The following IQCH variants were observed in gnomAD, a reference collection of about 807,000 sequenced individuals.
IQCH encodes the protein IQ motif containing H, also known as IQ domain-containing protein H.
Under a neutral mutation model 117.0 loss-of-function variants are expected in IQCH, and 98 were observed. That is an observed-to-expected ratio of 0.84 (90% CI 0.71 to 0.99). IQCH has a LOEUF of 0.99. IQCH is among the 50% of genes least tolerant of loss of function. IQCH has a pLI of 0.00. For synonymous variants in IQCH, 412 were observed against 448.2 expected, an observed-to-expected ratio of 0.92 and a Z score of 1.02; for missense variants, 1,102 against 1,243.8, an observed-to-expected ratio of 0.89 and a Z score of 1.72.
rs2083325198 is a variant in IQCH, at chr15:67,481,005, A to G, written c.2799+5187A>G. Among the ~76,000 whole-genome samples, 1 of 152,136 alleles carries G rather than the reference A, an allele frequency of 6.6e-6. No homozygotes were observed. Among genetic ancestry groups the G allele is most frequent in the South Asian group, 2.1e-4 (1 of 4,824 alleles). The stretch of plus-strand genomic sequence containing the variant: ...TTGCAAAATGGGAAAAGCTGAACTG[A>G]TTTTAAACCTCAAAAATGAGACTTT... On this transcript the variant is annotated intron_variant, in intron 18 of 20. Transcript: ENST00000335894. This position sits in a 1 kb window ranked among gnomAD's most constrained non-coding sequence, Gnocchi z 4.1.
At chr15:67,293,140 C>CA (rs1966806435) in intron 4 of IQCH, among the ~76,000 whole-genome samples, 1 of 152,146 alleles carries the variant, frequency 6.6e-6, no homozygotes, top group Non-Finnish European at 1.5e-5. Flanking sequence ...ATCTGTTGTA[C>CA]AGTGAGTGTT....
chr15:67,380,880 C>G (rs553102005), intron 10 of IQCH, among the ~76,000 whole-genome samples: 1 of 152,268 alleles, frequency 6.6e-6, no homozygotes, highest in East Asian at 1.9e-4. Flanking sequence ...GACTACCATC[C>G]CAGGCTAGAG....
intron 4 of IQCH, among the ~76,000 whole-genome samples, chr15:67,286,770 G>A (rs554242562): frequency 3.3e-5 from 5 of 151,944 alleles, no homozygotes; most frequent in South Asian, 4.2e-4. Flanking sequence ...CACCACACCC[G>A]GCTAATTTTT....
rs1053704585 is a variant in IQCH, at chr15:67,376,684, C to A, written c.1372+3251C>A. Among the ~76,000 whole-genome samples, 11 of 152,326 alleles carry A rather than the reference C, an allele frequency of 7.2e-5. No homozygotes were observed. Among genetic ancestry groups the A allele is most frequent in the African/African-American group, 1.9e-4 (8 of 41,570 alleles). Reference sequence around the variant, plus strand: ...AGTTTTGCACACATGGGAATAATTGCATTTTCCAAACTGGTGATCACAGAA... The same window carrying A: ...AGTTTTGCACACATGGGAATAATTGAATTTTCCAAACTGGTGATCACAGAA... On this transcript the variant is annotated intron_variant, in intron 10 of 20. Transcript: ENST00000335894. This position sits in a 1 kb window ranked among gnomAD's most constrained non-coding sequence, Gnocchi z 5.0.
intron 4 of IQCH, among the ~76,000 whole-genome samples, chr15:67,286,900 A>G (rs1966584418): frequency 6.6e-6 from 1 of 152,224 alleles, no homozygotes; most frequent in Non-Finnish European, 1.5e-5. Flanking sequence ...GGTGTGAGCC[A>G]CCACGCCCGG....
intron 16 of IQCH, among the ~76,000 whole-genome samples, chr15:67,435,124 G>A (rs553587246): frequency 6.6e-6 from 1 of 151,680 alleles, no homozygotes; most frequent in Non-Finnish European, 1.5e-5. Context: ...CAAAGTGCTG[G>A]CATTACAGAT....
rs911428569 is a variant in IQCH at position 67,472,420 on chromosome 15, A to G, written c.2677-3276A>G. On this transcript the variant is annotated intron_variant, in intron 17 of 20. Transcript: ENST00000335894. The surrounding 1 kb of genome is among the most constrained non-coding windows in gnomAD (Gnocchi z 4.3). Reference sequence around the variant, plus strand: ...GGCCTGAATATTTCTGAATAGGAGGATGACACAGACCAACCTGTGTTAGGG... The same window carrying G: ...GGCCTGAATATTTCTGAATAGGAGGGTGACACAGACCAACCTGTGTTAGGG... Among the ~76,000 whole-genome samples, 34 of 152,312 alleles carry G rather than the reference A, an allele frequency of 2.2e-4. No homozygotes were observed. Among genetic ancestry groups the G allele is most frequent in the African/African-American group, 7.5e-4 (31 of 41,558 alleles).
At position 67,385,006 on chromosome 15, in the gene IQCH, G is replaced by C. The variant is rs1971065341; in HGVS notation, c.1443G>C (p.Leu481=). 1 of 1,603,554 alleles carries C rather than the reference G, an allele frequency of 6.2e-7. No individual in the cohort carries two copies. Among genetic ancestry groups the C allele is most frequent in the Admixed American group, 1.7e-5 (1 of 59,934 alleles). The change falls in exon 11 of 21, where the codon CTG becomes CTC. Residue 481 remains leucine (L), a synonymous_variant. Coordinates refer to ENST00000335894, the MANE Select transcript of IQCH (RefSeq NM_001031715.3). The surrounding 1 kb of genome is among the most constrained non-coding windows in gnomAD (Gnocchi z 4.6). ...NTQQNMQLGR[L]CDILDANVNV... is the part of the protein sequence containing the mutation. ...AGCAGAACATGCAGCTGGGGAGGCT[G>C]TGTGACATCTTAGGTACAGTAAATA...
rs1455550547 is a variant in IQCH at position 67,406,256 on chromosome 15, C to T, written c.2097+5951C>T. 3 of 152,148 alleles carry T rather than the reference C, an allele frequency of 2.0e-5. No individual in the cohort carries two copies. Among genetic ancestry groups the T allele is most frequent in the Admixed American group, 6.5e-5 (1 of 15,270 alleles). The allele number at this position is 152,148 out of a possible 1,614,324, so 9.4% of individuals were successfully genotyped here. ...ACCCTTGTTTTTAGCCCAGTGCAGTCGATCACTCCTGTAATATTTTGTAAT... is the reference window on the plus strand; with the variant it reads ...ACCCTTGTTTTTAGCCCAGTGCAGTTGATCACTCCTGTAATATTTTGTAAT... On this transcript the variant is annotated intron_variant, in intron 14 of 20. Transcript: ENST00000335894. This position sits in a 1 kb window ranked among gnomAD's most constrained non-coding sequence, Gnocchi z 4.5.
intron 4 of IQCH, among the ~76,000 whole-genome samples, chr15:67,327,211 A>AAAAATGATAAG (rs1968450782): frequency 6.6e-6 from 1 of 152,240 alleles, no homozygotes; most frequent in Non-Finnish European, 1.5e-5. Context: ...AAATTCAGAG[A>AAAAATGATAAG]CAAAATCAAG....
intron 4 of IQCH, among the ~76,000 whole-genome samples, chr15:67,331,317 CATAA>C (rs1364294191): frequency 2.6e-5 from 4 of 151,742 alleles, no homozygotes; most frequent in Non-Finnish European, 2.9e-5. Flanking sequence ...TTAAAGAGAA[CATAA>C]ATTAATTTAA....
chr15:67,371,907 C>G (rs1481159657), intron 8 of IQCH, among the ~76,000 whole-genome samples: 1 of 152,096 alleles, frequency 6.6e-6, no homozygotes, highest in African/African-American at 2.4e-5. Flanking sequence ...TTTGAGTGAT[C>G]TCTAAGATAT....
chr15:67,494,337 C>T lies in IQCH; in HGVS notation c.2941C>T (p.Pro981Ser). The part of the protein sequence containing the change: ...LFIIHQEISA[P>S]NMQGETNFKT... ...CATCATCCATCAAGAAATATCAGCACCTAATATGCAAGGCGAGACCAATTT... is the reference window on the plus strand; with the variant it reads ...CATCATCCATCAAGAAATATCAGCATCTAATATGCAAGGCGAGACCAATTT... The change falls in exon 20 of 21, where the codon CCT (proline) becomes TCT (serine). Residue 981 changes from proline (P) to serine (S), a missense_variant. Physicochemically the swap from Pro to Ser is moderately conservative, Grantham distance 74 (BLOSUM62 -1). Transcript: ENST00000335894. This position sits in a 1 kb window ranked among gnomAD's most constrained non-coding sequence, Gnocchi z 5.5. The T allele has an allele frequency of 6.2e-7, 1 of 1,612,982 alleles. No homozygotes were observed.
intron 3 of IQCH, among the ~76,000 whole-genome samples, chr15:67,277,830 G>A (rs1966192968): frequency 6.6e-6 from 1 of 152,098 alleles, no homozygotes; most frequent in Admixed American, 6.5e-5. Context: ...ACCGCGCCTG[G>A]CCCAGTATCT....
intron 4 of IQCH, among the ~76,000 whole-genome samples, chr15:67,292,542 C>A (rs1274850488): frequency 6.6e-6 from 1 of 152,104 alleles, no homozygotes; most frequent in Non-Finnish European, 1.5e-5. Context: ...GGTAAGCCAG[C>A]TCCCAGGCTT....
chr15:67,276,146 G>A (rs1966112542), intron 3 of IQCH, among the ~76,000 whole-genome samples: 1 of 152,058 alleles, frequency 6.6e-6, no homozygotes, highest in African/African-American at 2.4e-5. Flanking sequence ...TGCTGAGGGG[G>A]AGAAAAGCAG....
At chr15:67,315,294 C>T (rs1407428886) in intron 4 of IQCH, among the ~76,000 whole-genome samples, 1 of 152,154 alleles carries the variant, frequency 6.6e-6, no homozygotes. Flanking sequence ...ATTAGTTGGA[C>T]AGTCTTCTTG....
intron 4 of IQCH, among the ~76,000 whole-genome samples, chr15:67,336,545 A>G (rs1430109052): frequency 2.0e-5 from 3 of 152,170 alleles, no homozygotes; most frequent in Non-Finnish European, 1.5e-5. Flanking sequence ...ATTGATTGAC[A>G]TGTTTATCTT....
intron 4 of IQCH, among the ~76,000 whole-genome samples, chr15:67,293,644 A>G (rs1255343597): frequency 1.3e-5 from 2 of 152,200 alleles, no homozygotes; most frequent in African/African-American, 2.4e-5. Flanking sequence ...TGCAGAACCC[A>G]TGGATATGGA....
Sources: gnomAD v4.1 joint callset for allele counts (sites outside exome capture counted in the v4.1 genomes callset) on GRCh38, gnomAD v4.1.1 for gene constraint, Gnocchi (gnomAD v3.1) non-coding constraint, MANE v1.5 for transcripts, NCBI Gene and HGNC (gene_info 2026-07-23, HGNC 2026-07-21) for gene names.